DAB1: variants seen among roughly 807,000 people sequenced by gnomAD.
DAB1 encodes disabled homolog 1.
DAB1 carries 15 observed loss-of-function variants against 64.6 expected under a neutral mutation model. The ratio of observed to expected loss-of-function variants is 0.23; its 90% confidence interval spans 0.16 to 0.36. The LOEUF (loss-of-function observed/expected upper bound fraction) is 0.36. Among genes scored for constraint, DAB1 ranks in the 10% least tolerant of loss-of-function variants. DAB1 has a pLI of 1.00. For missense variants in DAB1, 596 were observed against 706.7 expected (o/e 0.84, Z 1.78); for synonymous variants, 235 against 251.9 (o/e 0.93, Z 0.64).
chr1:57,745,319 G>A (rs1196279831), intron 6 of DAB1, among the ~76,000 whole-genome samples: 3 of 152,110 alleles, frequency 2.0e-5, no homozygotes. Flanking sequence ...AATGTTTGTT[G>A]AAACTTTAAT....
At chr1:57,175,364 T>C (rs1482819473) in intron 2 of DAB1, among the ~76,000 whole-genome samples, 2 of 151,722 alleles carry the variant, frequency 1.3e-5, no homozygotes, top group African/African-American at 4.8e-5. Flanking sequence ...TCCAATCTTC[T>C]CTGATAAGTG....
chr1:58,230,569 G>T (rs1659729290), intron 4 of DAB1, among the ~76,000 whole-genome samples: 1 of 152,118 alleles, frequency 6.6e-6, no homozygotes, highest in South Asian at 2.1e-4. Flanking sequence ...CTGATACAAA[G>T]GACAAAGGGG....
chr1:58,087,447 A>C (rs958798659), intron 5 of DAB1, among the ~76,000 whole-genome samples: 1 of 152,266 alleles, frequency 6.6e-6, no homozygotes, highest in Non-Finnish European at 1.5e-5. Context: ...TCAGTCAGCC[A>C]AACGTGGCCC....
At chr1:57,510,079 G>T (rs1644389588) in intron 7 of DAB1, among the ~76,000 whole-genome samples, 1 of 152,102 alleles carries the variant, frequency 6.6e-6, no homozygotes, top group Admixed American at 6.6e-5. Flanking sequence ...ATTCACAAAT[G>T]ACAATAGTTT....
At chr1:57,996,884 G>A (rs1477453174) in intron 5 of DAB1, among the ~76,000 whole-genome samples, 1 of 152,026 alleles carries the variant, frequency 6.6e-6, no homozygotes, top group African/African-American at 2.4e-5. Context: ...GCATTTGGGG[G>A]GTCTGTTGGT....
chr1:58,489,341 A>T (rs1039115260), intron 3 of DAB1, among the ~76,000 whole-genome samples: 1 of 152,234 alleles, frequency 6.6e-6, no homozygotes, highest in Non-Finnish European at 1.5e-5. Context: ...AGCCTCGCTC[A>T]TTACTAGCAC....
chr1:57,754,568 C>T lies in DAB1; in HGVS notation n.552-104903G>A, dbSNP rs548135337. Among the ~76,000 whole-genome samples the T allele has an allele frequency of 2.0e-5, 3 of 151,692 alleles. No homozygotes were observed. In the South Asian group the frequency reaches 6.3e-4, roughly 32 times the overall value. On this transcript the variant is annotated intron_variant and non_coding_transcript_variant, in intron 6 of 20. Transcript: ENST00000485760. ...GGGCATGGTGGCATGCGCCTGTGAT[C>T]CCAGCTACTCGGAAGGCTGAGGCAG...
At chr1:58,099,646 C>T (rs1651192907) in intron 5 of DAB1, among the ~76,000 whole-genome samples, 1 of 152,190 alleles carries the variant, frequency 6.6e-6, no homozygotes, top group South Asian at 2.1e-4. Context: ...TGGGCTGGCA[C>T]CACAGGCTAA....
At chr1:58,407,767 A>T (rs1444977248) in intron 3 of DAB1, among the ~76,000 whole-genome samples, 2 of 152,092 alleles carry the variant, frequency 1.3e-5, no homozygotes, top group African/African-American at 4.8e-5. Flanking sequence ...CCTGCTCCCC[A>T]TCTTGTCCCC....
intron 5 of DAB1, among the ~76,000 whole-genome samples, chr1:58,092,186 A>G (rs1382952110): frequency 6.6e-6 from 1 of 151,938 alleles, no homozygotes; most frequent in Admixed American, 6.6e-5. Context: ...AATACAAAAA[A>G]ATAGGTGGGT....
chr1:57,119,827 C>T (rs766366839), intron 4 of DAB1, among the ~76,000 whole-genome samples: 153 of 152,126 alleles, frequency 1.0e-3, no homozygotes, highest in Non-Finnish European at 3.7e-4. Context: ...ATTGGGATTC[C>T]GACCTTGGGA....
chr1:57,739,982 G>A (rs528726419), intron 6 of DAB1, among the ~76,000 whole-genome samples: 179 of 145,396 alleles, frequency 1.2e-3, no homozygotes, highest in African/African-American at 4.2e-3. Context: ...ATCACTTGAG[G>A]CTGGGAGTCC....
intron 7 of DAB1, among the ~76,000 whole-genome samples, chr1:57,554,150 G>A (rs1431231982): frequency 6.6e-6 from 1 of 152,202 alleles, no homozygotes; most frequent in Non-Finnish European, 1.5e-5. Flanking sequence ...AAGGGATAGA[G>A]AGCAGGAAGG....
chr1:57,908,777 C>T (rs1200490449), intron 5 of DAB1, among the ~76,000 whole-genome samples: 2 of 152,100 alleles, frequency 1.3e-5, no homozygotes. Context: ...CAGCTGAGGC[C>T]CTGGGCTTCT....
intron 6 of DAB1, among the ~76,000 whole-genome samples, chr1:57,685,076 C>G (rs1250113249): frequency 6.6e-6 from 1 of 151,688 alleles, no homozygotes; most frequent in Non-Finnish European, 1.5e-5. Context: ...CCTCAGTCTT[C>G]TGAGTAGCTG....
chr1:57,509,655 C>T (rs1439825284), intron 7 of DAB1, among the ~76,000 whole-genome samples: 1 of 152,126 alleles, frequency 6.6e-6, no homozygotes, highest in East Asian at 1.9e-4. Context: ...AAACCATCCT[C>T]AACTCTCTGT....
chr1:58,226,548 A>T (rs765830455), intron 4 of DAB1, among the ~76,000 whole-genome samples: 1 of 152,198 alleles, frequency 6.6e-6, no homozygotes, highest in African/African-American at 2.4e-5. Flanking sequence ...GAATCTACAG[A>T]GTAGCTACAG....
chr1:57,380,236 G>C (rs1378969107), intron 1 of DAB1, among the ~76,000 whole-genome samples: 2 of 152,166 alleles, frequency 1.3e-5, no homozygotes, highest in Non-Finnish European at 2.9e-5. Flanking sequence ...AAACTGAAGA[G>C]TGAAGCCATC....
At chr1:57,431,808 A>G (rs549373433) in intron 7 of DAB1, among the ~76,000 whole-genome samples, 1 of 152,172 alleles carries the variant, frequency 6.6e-6, no homozygotes, top group Non-Finnish European at 1.5e-5. Flanking sequence ...GTGCCTGAAA[A>G]TAGGAGTAGA....
Sources: allele counts gnomAD v4.1 joint callset (sites outside exome capture counted in the v4.1 genomes callset), GRCh38; gene constraint gnomAD v4.1.1; transcripts MANE v1.5; gene names NCBI Gene and HGNC (gene_info 2026-07-23, HGNC 2026-07-21).